The following UGT1A7 variants were observed in gnomAD, a reference collection of about 807,000 sequenced individuals.
UGT1A7 encodes UDP glucuronosyltransferase family 1 member A7.
In UGT1A7, 33 loss-of-function variants were observed where a neutral mutation model predicts 45.6. The observed-to-expected ratio is 0.72, with a 90% CI of 0.55 to 0.97. UGT1A7 has a LOEUF of 0.97. UGT1A7 is among the 50% of genes least tolerant of loss of function. The pLI is 0.00. For missense variants in UGT1A7, 684 were observed against 666.2 expected, an observed-to-expected ratio of 1.03 and a Z score of -0.29; for synonymous variants, 274 against 250.6, an observed-to-expected ratio of 1.09 and a Z score of -0.88.
At chr2:233,715,494 CA>C (rs1394271986) in intron 1 of UGT1A7, among the ~76,000 whole-genome samples, 9 of 152,174 alleles carry the variant, frequency 5.9e-5, no homozygotes, top group African/African-American at 2.2e-4. Context: ...GATTTGTGTG[CA>C]AGTGGGTAGC....
intron 1 of UGT1A7, among the ~76,000 whole-genome samples, chr2:233,703,404 T>G (rs2075736913): frequency 6.6e-6 from 1 of 152,112 alleles, no homozygotes; most frequent in Non-Finnish European, 1.5e-5. Flanking sequence ...ACAATTTTGG[T>G]TTTGTTTATT....
intron 1 of UGT1A7, chr2:233,741,673 T>C (rs1691737205): frequency 6.6e-6 from 1 of 151,938 alleles, no homozygotes; most frequent in Non-Finnish European, 1.5e-5. Context: ...TGCTGTTTAT[T>C]GCTTGGGTGC....
At chr2:233,724,928 A>C (rs2125707606) in intron 1 of UGT1A7, among the ~76,000 whole-genome samples, 1 of 142,602 alleles carries the variant, frequency 7.0e-6, no homozygotes, top group South Asian at 2.5e-4. Context: ...TGAGTGAACG[A>C]GACTCCGTCT....
intron 1 of UGT1A7, among the ~76,000 whole-genome samples, chr2:233,712,590 A>C (rs1407405670): frequency 6.6e-6 from 1 of 152,212 alleles, no homozygotes; most frequent in Non-Finnish European, 1.5e-5. Context: ...AGCAGAGACC[A>C]TATGGTTGGG....
intron 1 of UGT1A7, chr2:233,760,313 G>T (rs761736540): frequency 6.2e-7 from 1 of 1,613,818 alleles, no homozygotes. Context: ...CAGGGCGGAC[G>T]CCCACTTGTC....
chr2:233,760,284 C>T lies in UGT1A7; in HGVS notation c.856-6750C>T, dbSNP rs752018052. On this transcript the variant is annotated intron_variant, in intron 1 of 4. Coordinates refer to ENST00000373426, the MANE Select transcript of UGT1A7 (RefSeq NM_019077.3). ...GGCGAACCTCTGGCAGGAGCAAAGG[C>T]GCCATGGCTGTGGAGTCCCAGGGCG... The T allele has an allele frequency of 5.6e-6, 9 of 1,612,882 alleles. No homozygotes were observed. Among genetic ancestry groups the T allele is most frequent in the Middle Eastern group, 1.9e-4 (1 of 5,180 alleles).
At chr2:233,760,415 T>C in intron 1 of UGT1A7, 2 of 1,614,208 alleles carry the variant, frequency 1.2e-6, no homozygotes, top group Admixed American at 1.7e-5. Flanking sequence ...TGGCTGAGCA[T>C]GCTTGGGGCC....
chr2:233,719,092 G>A lies in UGT1A7; in HGVS notation c.855+36300G>A, dbSNP rs570129053. 84 of 1,614,240 alleles carry A rather than the reference G, an allele frequency of 5.2e-5. No homozygotes were observed. The highest frequency in any genetic ancestry group is 6.6e-5 in the Non-Finnish European group (78 of 1,180,038). On this transcript the variant is annotated intron_variant, in intron 1 of 4. Transcript: ENST00000373426. Reference sequence around the variant, plus strand: ...CCATGGACCCAGAAGGAATTTGATCGCGTTACGCTGGGCTACACTCAAGGG... The same window carrying A: ...CCATGGACCCAGAAGGAATTTGATCACGTTACGCTGGGCTACACTCAAGGG...
At position 233,682,197 on chromosome 2, in the gene UGT1A7, A is replaced by C; in HGVS notation, c.260A>C (p.Asp87Ala). ...YSTSYTLEDQ[D>A]REFMVFADAR... ...ACCTCATACACTCTGGAGGATCAGG[A>C]CCGGGAGTTCATGGTTTTTGCCGAT... The change falls in exon 1 of 5, where the codon GAC (aspartate) becomes GCC (alanine). Residue 87 changes from aspartate (D) to alanine (A), a missense_variant. By Grantham distance (126) the Asp-to-Ala change is moderately radical. Coordinates refer to ENST00000373426, the MANE Select transcript of UGT1A7 (RefSeq NM_019077.3). The C allele has an allele frequency of 6.2e-7, 1 of 1,614,206 alleles. No individual in the cohort carries two copies. Among genetic ancestry groups the C allele is most frequent in the Non-Finnish European group, 8.5e-7 (1 of 1,180,024 alleles).
intron 1 of UGT1A7, among the ~76,000 whole-genome samples, chr2:233,709,365 T>C (rs1407856539): frequency 2.0e-5 from 3 of 152,214 alleles, no homozygotes; most frequent in Admixed American, 6.5e-5. Flanking sequence ...TAGATTTTTC[T>C]GTGTCCTAAT....
intron 1 of UGT1A7, among the ~76,000 whole-genome samples, chr2:233,695,211 C>T (rs1186874462): frequency 6.6e-6 from 1 of 150,648 alleles, no homozygotes. Flanking sequence ...CTGCAACCTC[C>T]ACCTCCTGGG....
At chr2:233,733,656 C>T (rs1449340604) in intron 1 of UGT1A7, among the ~76,000 whole-genome samples, 11 of 152,054 alleles carry the variant, frequency 7.2e-5, no homozygotes, top group African/African-American at 1.7e-4. Context: ...AGGATGAAGC[C>T]GACTTGATCG....
chr2:233,724,727 G>A (rs1271460613), intron 1 of UGT1A7, among the ~76,000 whole-genome samples: 6 of 144,662 alleles, frequency 4.1e-5, no homozygotes. Context: ...GGGCAGCCAG[G>A]CAGAGGGGCT....
intron 2 of UGT1A7, 55 bp downstream of exon 2, chr2:233,767,220 C>G (rs1167186563): frequency 6.2e-7 from 1 of 1,611,536 alleles, no homozygotes; most frequent in African/African-American, 1.3e-5. Flanking sequence ...GCGCTAATCC[C>G]AGACTTCCAG....
chr2:233,755,131 T>C (rs1695774627), intron 1 of UGT1A7: 1 of 1,321,048 alleles, frequency 7.6e-7, no homozygotes, highest in African/African-American at 1.5e-5. Flanking sequence ...GCCACCTGCT[T>C]GAATCTTCTC....
intron 1 of UGT1A7, among the ~76,000 whole-genome samples, chr2:233,737,200 G>A (rs1173255293): frequency 1.3e-5 from 2 of 152,180 alleles, no homozygotes; most frequent in African/African-American, 4.8e-5. Context: ...GCTGAGCTGC[G>A]GTGGACTCTG....
At chr2:233,735,712 C>CA (rs2078686822) in intron 1 of UGT1A7, among the ~76,000 whole-genome samples, 1 of 152,140 alleles carries the variant, frequency 6.6e-6, no homozygotes, top group Non-Finnish European at 1.5e-5. Flanking sequence ...CTGGTGGTGA[C>CA]AAAATCTCTC....
chr2:233,730,252 T>A (rs1444242669), intron 1 of UGT1A7, among the ~76,000 whole-genome samples: 1 of 152,134 alleles, frequency 6.6e-6, no homozygotes, highest in Non-Finnish European at 1.5e-5. Context: ...GTGTGACTCA[T>A]AGAGACTGTT....
intron 1 of UGT1A7, chr2:233,729,891 G>A: frequency 1.2e-6 from 2 of 1,613,886 alleles, no homozygotes; most frequent in Non-Finnish European, 1.7e-6. Flanking sequence ...CATCTGTGTG[G>A]CTGTTCCGAG....
Sources: allele counts gnomAD v4.1 joint callset (sites outside exome capture counted in the v4.1 genomes callset), GRCh38; gene constraint gnomAD v4.1.1; transcripts MANE v1.5; gene names NCBI Gene and HGNC (gene_info 2026-07-23, HGNC 2026-07-21).